Variants in PAM observed in about 807,000 individuals in gnomAD.
PAM encodes peptidylglycine alpha-amidating monooxygenase.
Under a neutral mutation model 122.1 loss-of-function variants are expected in PAM, and 72 were observed. The observed-to-expected ratio is 0.59, with a 90% confidence interval of 0.49 to 0.72. The LOEUF is 0.72. PAM is among the 30% of genes least tolerant of loss of function. The pLI is 0.00. For synonymous variants in PAM, 389 were observed against 404.4 expected (o/e 0.96, Z 0.46); for missense variants, 1,106 against 1,183.7 (o/e 0.93, Z 0.96).
chr5:102,931,675 G>C (rs931585497), intron 7 of PAM, among the ~76,000 whole-genome samples: 2 of 152,168 alleles, frequency 1.3e-5, no homozygotes, highest in Non-Finnish European at 2.9e-5. Flanking sequence ...ATGAAGGTCA[G>C]GGTCTCTTCC....
intron 1 of PAM, among the ~76,000 whole-genome samples, chr5:102,794,968 T>TC (rs1762981061): frequency 6.6e-6 from 1 of 151,712 alleles, no homozygotes; most frequent in South Asian, 2.1e-4. Flanking sequence ...GGCTCGCAGA[T>TC]CACTTGTGCC....
chr5:102,907,786 G>C (rs1007126045), intron 4 of PAM, among the ~76,000 whole-genome samples: 6 of 152,082 alleles, frequency 3.9e-5, no homozygotes, highest in African/African-American at 1.2e-4. Flanking sequence ...AGAAGTGTCT[G>C]TTCATGTCCT....
At chr5:102,796,047 C>G (rs1480897286) in intron 1 of PAM, among the ~76,000 whole-genome samples, 1 of 152,274 alleles carries the variant, frequency 6.6e-6, no homozygotes, top group Non-Finnish European at 1.5e-5. Context: ...ATGCACCAGC[C>G]TCAGCAAAAA....
At chr5:103,013,813 A>G (rs1781283987) in intron 21 of PAM, among the ~76,000 whole-genome samples, 1 of 152,188 alleles carries the variant, frequency 6.6e-6, no homozygotes, top group Admixed American at 6.5e-5. Flanking sequence ...GCTTTAAGCC[A>G]TAGTAACAGG....
At chr5:103,005,077 AGATT>A (rs1291928679) in intron 17 of PAM, 73 bp from the exon 18 acceptor site, 1 of 744,662 alleles carries the variant, frequency 1.3e-6, no homozygotes, top group Non-Finnish European at 2.4e-6. Flanking sequence ...TTGTCTTTAC[AGATT>A]AATTAGAAAA....
intron 23 of PAM, among the ~76,000 whole-genome samples, chr5:103,021,690 C>G (rs1388983048): frequency 6.6e-6 from 1 of 152,106 alleles, no homozygotes; most frequent in East Asian, 1.9e-4. Flanking sequence ...TTCCTTGAAC[C>G]CATATGGCTC....
intron 23 of PAM, among the ~76,000 whole-genome samples, chr5:103,023,711 G>T (rs1374034647): frequency 6.6e-6 from 1 of 152,004 alleles, no homozygotes; most frequent in Non-Finnish European, 1.5e-5. Context: ...ATAGTACAGG[G>T]AAGGAAAGGA....
chr5:103,026,580 C>CATAG (rs1784998873), intron 24 of PAM, among the ~76,000 whole-genome samples: 1 of 152,088 alleles, frequency 6.6e-6, no homozygotes, highest in Non-Finnish European at 1.5e-5. Flanking sequence ...GAGAAATAAA[C>CATAG]ATAGTCATTG....
chr5:102,901,259 C>G, intron 3 of PAM, 97 bp from the exon 4 acceptor site: 1 of 693,446 alleles, frequency 1.4e-6, no homozygotes, highest in Non-Finnish European at 2.6e-6. Flanking sequence ...CCCTCACTGA[C>G]TACTTTTTAC....
chr5:102,803,147 AAGGAAGGAAGGAAGGAAGGAAGGAAGG>A (rs1765262458), intron 1 of PAM, among the ~76,000 whole-genome samples: 30 of 1,022 alleles, frequency 0.029, 1 homozygote, highest in African/African-American at 0.062. Flanking sequence ...GAAAGAAAGA[AAGGAAGGAAGGAAGGAAGGAAGGAAGG>A]AAGGAAGGAA....
chr5:102,961,570 A>G (rs1352785599), intron 14 of PAM, among the ~76,000 whole-genome samples: 1 of 151,910 alleles, frequency 6.6e-6, no homozygotes, highest in African/African-American at 2.4e-5. Context: ...AACCATTTAA[A>G]TTATTGTATA....
At chr5:102,872,372 C>T (rs908112636) in intron 3 of PAM, among the ~76,000 whole-genome samples, 3 of 152,152 alleles carry the variant, frequency 2.0e-5, no homozygotes, top group South Asian at 4.1e-4. Context: ...AGAATGTTGT[C>T]GTTGAAATGA....
chr5:102,817,077 C>G lies in PAM; in HGVS notation c.-373-48746C>G, dbSNP rs116754237. 6.0e-3 allele frequency among the ~76,000 whole-genome samples: 920 copies of G among 152,208 alleles called. 11 individuals carry two copies. Among genetic ancestry groups the G allele is most frequent in the African/African-American group, 0.021 (863 of 41,540 alleles). ...TGGGGATGCATGTTTATTTCTCACT[C>G]TCACTCATGAGATCATATTGTGTAT... On this transcript the variant is annotated intron_variant, in intron 1 of 25. Transcript: ENST00000438793.
Position 103,009,860 on chromosome 5 carries a change from G to A in PAM, c.2325G>A (p.Val775=), listed in dbSNP as rs777854819. Residue 775 remains valine, a synonymous_variant, in exon 21 of 26, where the codon GTG becomes GTA. Coordinates refer to ENST00000438793, the MANE Select transcript of PAM (RefSeq NM_001177306.2). ...AAATTATAGACATCTTCAAGCCAGT[G>A]CGCAAGGTATTTACACACATTGTCT... ...NGEIIDIFKP[V]RKHFDMPHDI... 6.4e-7 allele frequency: 1 copy of A among 1,558,506 alleles called. No individual in the cohort carries two copies. Among genetic ancestry groups the A allele is most frequent in the Non-Finnish European group, 8.8e-7 (1 of 1,132,332 alleles).
At chr5:102,997,729 A>T (rs1415161209) in intron 16 of PAM, among the ~76,000 whole-genome samples, 2 of 152,230 alleles carry the variant, frequency 1.3e-5, no homozygotes, top group Non-Finnish European at 2.9e-5. Flanking sequence ...GAAACTTGAA[A>T]GTTCTATATT....
Position 102,803,146 on chromosome 5 carries a change from AAAGGAAGGAAGGAAGGAAGGAAGG to A in PAM, c.-374+47837_-374+47860del, listed in dbSNP as rs149345963. Reference sequence around the variant, plus strand: ...TCCAAAAAAAAAGAAAGAAAGAAAGAAAGGAAGGAAGGAAGGAAGGAAGGAAGGAAGGAAGGAAGGAAGGAAGGA... The same window carrying A: ...TCCAAAAAAAAAGAAAGAAAGAAAGAAAGGAAGGAAGGAAGGAAGGAAGGA... On this transcript the variant is annotated intron_variant, in intron 1 of 25. Transcript: ENST00000438793. Among the ~76,000 whole-genome samples, 1,036 of 133,660 alleles carry A rather than the reference AAAGGAAGGAAGGAAGGAAGGAAGG, an allele frequency of 7.8e-3. 23 individuals are homozygous for A. Among genetic ancestry groups the A allele is most frequent in the African/African-American group, 0.028 (942 of 33,298 alleles). The allele number at this position is 133,660 out of a possible 152,430, so 87.7% of individuals were successfully genotyped here.
At position 103,029,047 on chromosome 5, in the gene PAM, C is replaced by T. The variant is rs974983230; in HGVS notation, c.2904C>T (p.Leu968=). The part of the protein sequence containing the change: ...EEEYSAPLPA[L]APSSS ...AGTATTCAGCACCTCTGCCTGCGCT[C>T]GCACCTTCCTCCTCCTGAAAACCAA... Residue 968 remains leucine, a synonymous_variant, in exon 26 of 26, where the codon CTC becomes CTT. Transcript: ENST00000438793. The T allele has an allele frequency of 3.1e-6, 5 of 1,606,486 alleles. No individual in the cohort carries two copies. Among genetic ancestry groups the T allele is most frequent in the African/African-American group, 1.3e-5 (1 of 74,456 alleles).
At chr5:102,888,803 TTAAAA>T (rs1164264272) in intron 3 of PAM, among the ~76,000 whole-genome samples, 1 of 152,002 alleles carries the variant, frequency 6.6e-6, no homozygotes, top group East Asian at 1.9e-4. Flanking sequence ...TTTTTTTTCT[TTAAAA>T]TAATGCTTTT....
At position 102,963,917 on chromosome 5, in the gene PAM, T is replaced by C. The variant is rs976513666; in HGVS notation, c.1162+2688T>C. ...TATATTTACTTCCTATCTTAATACATTGGAAAACAGGTAGAAAGATATAAG... is the reference window on the plus strand; with the variant it reads ...TATATTTACTTCCTATCTTAATACACTGGAAAACAGGTAGAAAGATATAAG... On this transcript the variant is annotated intron_variant, in intron 14 of 25. Coordinates refer to ENST00000438793, the MANE Select transcript of PAM (RefSeq NM_001177306.2). Among the ~76,000 whole-genome samples, 4 of 150,512 alleles carry C rather than the reference T, an allele frequency of 2.7e-5. No homozygotes were observed. In the East Asian group the frequency reaches 7.8e-4, roughly 29 times the overall value.
Sources: gnomAD v4.1 joint callset for allele counts (sites outside exome capture counted in the v4.1 genomes callset) on GRCh38, gnomAD v4.1.1 for gene constraint, MANE v1.5 for transcripts, NCBI Gene and HGNC (gene_info 2026-07-23, HGNC 2026-07-21) for gene names.